Variants in ARHGAP25 observed in about 807,000 individuals in gnomAD.
ARHGAP25 encodes the protein Rho GTPase activating protein 25, also known as rho GTPase-activating protein 25.
A neutral mutation model predicts 71.0 loss-of-function variants in ARHGAP25; 34 were observed. The observed-to-expected ratio is 0.48, with a 90% CI of 0.36 to 0.64. The LOEUF (loss-of-function observed/expected upper bound fraction) is 0.64. Ranked by LOEUF, ARHGAP25 falls within the 30% of genes least tolerant of loss-of-function variation. ARHGAP25 has a pLI of 0.00. For synonymous variants in ARHGAP25, 282 were observed against 296.5 expected (o/e 0.95, Z 0.50); for missense variants, 706 against 805.1 (o/e 0.88, Z 1.49).
rs886863080 is a variant in ARHGAP25, at chr2:68,718,656, C to T, written c.-18+7958C>T. ...ATTTGTCTCTGACCCTGGTTCCTGA[C>T]ATAGAGCTCCTAAACTTTTCTAATT... is the stretch of plus-strand genomic sequence containing the variant. On this transcript the variant is annotated intron_variant and NMD_transcript_variant, in intron 2 of 7. Coordinates refer to the ARHGAP25 transcript ENST00000463483. Among the ~76,000 whole-genome samples, 5 of 152,296 alleles carry T rather than the reference C, an allele frequency of 3.3e-5. No homozygotes were observed. In the South Asian group the frequency reaches 6.2e-4, roughly 19 times the overall value.
At chr2:68,823,254 G>A (rs10167610) in intron 10 of ARHGAP25, among the ~76,000 whole-genome samples, 51,750 of 152,014 alleles carry the variant, frequency 0.34, 8,958 homozygotes, top group East Asian at 0.44. Flanking sequence ...AGTTGTTAGG[G>A]TATAGCACTG....
chr2:68,729,791 T>C (rs1410540548), intron 2 of ARHGAP25, among the ~76,000 whole-genome samples: 3 of 152,194 alleles, frequency 2.0e-5, no homozygotes, highest in Non-Finnish European at 4.4e-5. Context: ...AATTCACCCA[T>C]CAAAGTGTAC....
At chr2:68,752,952 T>C (rs986836716) in intron 1 of ARHGAP25, among the ~76,000 whole-genome samples, 2 of 152,160 alleles carry the variant, frequency 1.3e-5, no homozygotes, top group African/African-American at 4.8e-5. Context: ...TTCTTTATTG[T>C]TGGGGGCCAT....
intron 2 of ARHGAP25, among the ~76,000 whole-genome samples, chr2:68,713,387 C>T (rs1479200514): frequency 2.0e-5 from 3 of 152,182 alleles, no homozygotes; most frequent in Non-Finnish European, 4.4e-5. Flanking sequence ...TGCTTATCAG[C>T]TTAAGGAGAT....
intron 3 of ARHGAP25, among the ~76,000 whole-genome samples, chr2:68,786,690 AAAG>A (rs1678780601): frequency 6.6e-6 from 1 of 152,160 alleles, no homozygotes; most frequent in Non-Finnish European, 1.5e-5. Context: ...ACAAAGGGTG[AAAG>A]AAGGTGAGGC....
At chr2:68,791,920 T>C (rs1421199721) in intron 4 of ARHGAP25, among the ~76,000 whole-genome samples, 1 of 152,168 alleles carries the variant, frequency 6.6e-6, no homozygotes, top group African/African-American at 2.4e-5. Flanking sequence ...AGTGGGCTAA[T>C]TTCTTGCCAC....
At chr2:68,807,166 A>C in intron 4 of ARHGAP25, 107 bp from the exon 5 acceptor site, 1 of 1,001,606 alleles carries the variant, frequency 1.0e-6, no homozygotes, top group Non-Finnish European at 1.5e-6. Context: ...TTTGTCTAGT[A>C]TCATTGCAAT....
At chr2:68,756,068 T>C (rs1196491579) in intron 1 of ARHGAP25, among the ~76,000 whole-genome samples, 1 of 152,226 alleles carries the variant, frequency 6.6e-6, no homozygotes, top group Non-Finnish European at 1.5e-5. Context: ...GTCTGATGTA[T>C]CTATTTTGGG....
chr2:68,784,904 T>G (rs1335274410), intron 3 of ARHGAP25, among the ~76,000 whole-genome samples: 1 of 152,158 alleles, frequency 6.6e-6, no homozygotes, highest in East Asian at 1.9e-4. Flanking sequence ...GGTGGTTGAT[T>G]GATTATTGTG....
At chr2:68,736,709 G>A (rs1001296390) in intron 1 of ARHGAP25, among the ~76,000 whole-genome samples, 6 of 152,130 alleles carry the variant, frequency 3.9e-5, no homozygotes, top group Non-Finnish European at 8.8e-5. Flanking sequence ...TTTTACCAAT[G>A]TTTCTTAAAG....
intron 1 of ARHGAP25, among the ~76,000 whole-genome samples, chr2:68,747,008 CAAAAAA>C (rs70954322): frequency 2.4e-5 from 2 of 84,010 alleles, no homozygotes; most frequent in Non-Finnish European, 2.4e-5. Context: ...AACTCCATCT[CAAAAAA>C]AAAAAAAAAA....
intron 4 of ARHGAP25, among the ~76,000 whole-genome samples, chr2:68,791,044 C>T (rs1303470954): frequency 1.3e-5 from 2 of 152,190 alleles, no homozygotes; most frequent in Non-Finnish European, 1.5e-5. Context: ...TCCTCTTTCC[C>T]CAGGTAGCTG....
At chr2:68,724,919 T>C (rs887387561) in intron 2 of ARHGAP25, among the ~76,000 whole-genome samples, 4 of 152,230 alleles carry the variant, frequency 2.6e-5, no homozygotes, top group Non-Finnish European at 5.9e-5. Context: ...TGGCCACTTC[T>C]CATCACCTTC....
chr2:68,780,450 A>AT lies in ARHGAP25; in HGVS notation c.262-1777dup, dbSNP rs1349480447. 9.9e-5 allele frequency among the ~76,000 whole-genome samples: 15 copies of AT among 152,258 alleles called. No homozygotes were observed. In the East Asian group the frequency reaches 2.1e-3, roughly 22 times the overall value. On this transcript the variant is annotated intron_variant, in intron 2 of 10. Transcript: ENST00000409202. ...AGCTCAGCAGCACAACCTCAGGGTC[A>AT]TTTTTTCTGAAGGCATGGATGTGAT... is the stretch of plus-strand genomic sequence containing the variant.
Position 68,819,290 on chromosome 2 carries a change from A to G in ARHGAP25, c.1171A>G (p.Ile391Val). The change falls in exon 9 of 11, where the codon ATT (isoleucine) becomes GTT (valine). Residue 391 changes from isoleucine to valine, a missense_variant. Transcript: ENST00000409202. ...CTGGGATGCCACTGAAGACCTCCGA[A>G]TTTCTAGGACAGACAGCTTCAGTAG... ...VGWDATEDLR[I>V]SRTDSFSSMT... 1 of 1,614,074 alleles carries G rather than the reference A, an allele frequency of 6.2e-7. No individual in the cohort carries two copies. The highest frequency in any genetic ancestry group is 1.1e-5 in the South Asian group (1 of 91,082).
intron 1 of ARHGAP25, among the ~76,000 whole-genome samples, chr2:68,770,852 C>A (rs1449260279): frequency 6.6e-6 from 1 of 152,158 alleles, no homozygotes; most frequent in Non-Finnish European, 1.5e-5. Flanking sequence ...CTGGGCCCTC[C>A]AGCTTGATTT....
At chr2:68,769,092 T>C (rs185300884) in intron 1 of ARHGAP25, among the ~76,000 whole-genome samples, 1 of 152,174 alleles carries the variant, frequency 6.6e-6, no homozygotes, top group Non-Finnish European at 1.5e-5. Flanking sequence ...GTCCTCTCAG[T>C]ATTAGCCTCT....
intron 5 of ARHGAP25, among the ~76,000 whole-genome samples, chr2:68,808,618 A>T (rs1680551250): frequency 6.6e-6 from 1 of 152,198 alleles, no homozygotes; most frequent in Non-Finnish European, 1.5e-5. Context: ...ATAGCCCGTT[A>T]TTGGCATCAA....
chr2:68,803,591 C>T (rs991419018), intron 4 of ARHGAP25, among the ~76,000 whole-genome samples: 3 of 152,000 alleles, frequency 2.0e-5, no homozygotes, highest in African/African-American at 4.8e-5. Context: ...AAGACTTAGA[C>T]CCACGTGGGA....
Sources: gnomAD v4.1 joint callset for allele counts (sites outside exome capture counted in the v4.1 genomes callset) on GRCh38, gnomAD v4.1.1 for gene constraint, MANE v1.5 for transcripts, NCBI Gene and HGNC (gene_info 2026-07-23, HGNC 2026-07-21) for gene names.